Variants in ROBO1 observed in about 807,000 individuals in gnomAD.
ROBO1 encodes the protein roundabout guidance receptor 1.
ROBO1 carries 149 observed loss-of-function variants against 195.9 expected under a neutral mutation model. The ratio of observed to expected loss-of-function variants is 0.76; its 90% CI spans 0.67 to 0.87. ROBO1 has a LOEUF of 0.87. ROBO1 is among the 40% of genes least tolerant of loss of function. The pLI, the probability that ROBO1 is intolerant of heterozygous loss-of-function variation, is 0.00. For synonymous variants in ROBO1, 816 were observed against 733.2 expected (o/e 1.11, Z -1.82); for missense variants, 1,933 against 2,068.3 (o/e 0.93, Z 1.27).
intron 10 of ROBO1, among the ~76,000 whole-genome samples, chr3:78,674,061 T>C (rs745842533): frequency 6.6e-6 from 1 of 152,202 alleles, no homozygotes; most frequent in Non-Finnish European, 1.5e-5. Context: ...TTGCACTATG[T>C]ATCTATAAAT....
chr3:78,992,361 T>C (rs541112152), intron 3 of ROBO1, among the ~76,000 whole-genome samples: 2 of 152,170 alleles, frequency 1.3e-5, no homozygotes, highest in African/African-American at 4.8e-5. Flanking sequence ...ATAAGACTGA[T>C]GGGAAGGGCT....
intron 29 of ROBO1, among the ~76,000 whole-genome samples, chr3:78,601,773 T>C (rs1365254073): frequency 6.6e-6 from 1 of 152,128 alleles, no homozygotes; most frequent in Non-Finnish European, 1.5e-5. Flanking sequence ...ATCACTACTA[T>C]GAAACTGAGA....
chr3:79,124,972 G>T (rs748230127), intron 3 of ROBO1, among the ~76,000 whole-genome samples: 41 of 151,962 alleles, frequency 2.7e-4, no homozygotes, highest in South Asian at 6.2e-4. Context: ...AATAAGTCAT[G>T]CAAACACAAT....
chr3:78,598,638 C>CAAG lies in ROBO1; in HGVS notation c.*272_*274dup, dbSNP rs1224735723. ...CCCTCTTGCTGGCTGATGACTGAAG[C>CAAG]AAGAAGTCAAAGCACTTTGCTTGCT... On this transcript the variant is annotated 3_prime_UTR_variant, in exon 31 of 31. Transcript: ENST00000464233. 5 of 301,936 alleles carry CAAG rather than the reference C, an allele frequency of 1.7e-5. No individual in the cohort carries two copies. In the East Asian group the frequency reaches 2.6e-4, roughly 16 times the overall value. The allele number at this position is 301,936 out of a possible 1,614,324, so 18.7% of individuals were successfully genotyped here.
intron 2 of ROBO1, among the ~76,000 whole-genome samples, chr3:79,276,352 G>T (rs2031034186): frequency 6.6e-6 from 1 of 151,602 alleles, no homozygotes; most frequent in Non-Finnish European, 1.5e-5. Context: ...GACAAACCAA[G>T]AACTAACACT....
intron 2 of ROBO1, among the ~76,000 whole-genome samples, chr3:79,204,879 C>T (rs77283272): frequency 0.14 from 21,317 of 151,884 alleles, 2,453 homozygotes; most frequent in African/African-American, 0.32. Context: ...ACTTTTCTTG[C>T]GGTTACGTCT....
chr3:79,355,225 T>A (rs2035502869), intron 2 of ROBO1, among the ~76,000 whole-genome samples: 1 of 152,074 alleles, frequency 6.6e-6, no homozygotes. Flanking sequence ...ATCATTGCTT[T>A]ATTTAAAAAA....
chr3:79,615,201 A>G (rs930400710), intron 1 of ROBO1, among the ~76,000 whole-genome samples: 21 of 152,276 alleles, frequency 1.4e-4, no homozygotes, highest in African/African-American at 4.8e-4. Context: ...AGGCTTCTTC[A>G]GCATAATAAA....
At chr3:78,994,544 G>A (rs781192949) in intron 3 of ROBO1, among the ~76,000 whole-genome samples, 3 of 152,086 alleles carry the variant, frequency 2.0e-5, no homozygotes, top group East Asian at 3.9e-4. Context: ...TGTGAAACAC[G>A]GCTTTTAAAA....
chr3:78,712,193 T>C (rs2081777364), intron 8 of ROBO1, among the ~76,000 whole-genome samples: 1 of 152,156 alleles, frequency 6.6e-6, no homozygotes, highest in Non-Finnish European at 1.5e-5. Flanking sequence ...TTAACATCAA[T>C]GATCAAAATT....
intron 2 of ROBO1, among the ~76,000 whole-genome samples, chr3:79,588,821 A>C (rs1158901057): frequency 1.3e-5 from 2 of 151,712 alleles, no homozygotes; most frequent in African/African-American, 4.8e-5. Flanking sequence ...CAATCATGTG[A>C]AAATGTTTTT....
intron 2 of ROBO1, among the ~76,000 whole-genome samples, chr3:79,206,516 C>T (rs887800960): frequency 6.6e-6 from 1 of 152,100 alleles, no homozygotes; most frequent in Non-Finnish European, 1.5e-5. Flanking sequence ...GAAATTAAGG[C>T]ATACTACATA....
intron 2 of ROBO1, among the ~76,000 whole-genome samples, chr3:79,179,512 C>A (rs1248356813): frequency 6.6e-6 from 1 of 152,044 alleles, no homozygotes; most frequent in Non-Finnish European, 1.5e-5. Flanking sequence ...CAGAAGTAAA[C>A]CAGGTTAGAT....
At chr3:79,252,662 T>C (rs975499110) in intron 2 of ROBO1, among the ~76,000 whole-genome samples, 3 of 152,166 alleles carry the variant, frequency 2.0e-5, no homozygotes, top group African/African-American at 7.2e-5. Flanking sequence ...CCAGCATTTA[T>C]TCAGTAATCA....
chr3:78,684,505 G>A (rs928505664), intron 10 of ROBO1, among the ~76,000 whole-genome samples: 1 of 151,988 alleles, frequency 6.6e-6, no homozygotes, highest in African/African-American at 2.4e-5. Context: ...CTTACTTCAC[G>A]GCATGCGTAT....
chr3:78,688,592 C>T, intron 9 of ROBO1, 56 bp downstream of exon 9: 4 of 1,487,108 alleles, frequency 2.7e-6, no homozygotes, highest in Middle Eastern at 1.8e-4. Flanking sequence ...TCTTCTCATA[C>T]ATCTTGGCAA....
At chr3:79,023,299 A>G (rs2078137741) in intron 3 of ROBO1, among the ~76,000 whole-genome samples, 1 of 152,176 alleles carries the variant, frequency 6.6e-6, no homozygotes, top group South Asian at 2.1e-4. Context: ...ATGAACTGAG[A>G]AGAAAGTTTG....
chr3:79,569,391 G>T (rs1391193408), intron 2 of ROBO1, among the ~76,000 whole-genome samples: 1 of 152,124 alleles, frequency 6.6e-6, no homozygotes, highest in East Asian at 1.9e-4. Context: ...ACTTTAGCTT[G>T]CACCTTAGTC....
chr3:79,749,240 G>A (rs1468805799), intron 1 of ROBO1, among the ~76,000 whole-genome samples: 1 of 152,138 alleles, frequency 6.6e-6, no homozygotes, highest in Non-Finnish European at 1.5e-5. Context: ...CTTTGAACTT[G>A]AGAGAGATGA....
Sources: allele counts gnomAD v4.1 joint callset (sites outside exome capture counted in the v4.1 genomes callset), GRCh38; gene constraint gnomAD v4.1.1; transcripts MANE v1.5; gene names NCBI Gene and HGNC (gene_info 2026-07-23, HGNC 2026-07-21).